The following CACNA1D variants were observed in gnomAD, a reference collection of about 807,000 sequenced individuals.
CACNA1D encodes calcium voltage-gated channel subunit alpha1 D.
Under a neutral mutation model 257.1 loss-of-function variants are expected in CACNA1D, and 55 were observed. That is an observed-to-expected ratio of 0.21 (90% CI 0.17 to 0.27). The LOEUF is 0.27. Ranked by LOEUF, CACNA1D falls within the 10% of genes least tolerant of loss-of-function variation. The pLI is 1.00. For synonymous variants in CACNA1D, 980 were observed against 1,014.9 expected, an observed-to-expected ratio of 0.97 and a Z score of 0.65; for missense variants, 1,876 against 2,784.0, an observed-to-expected ratio of 0.67 and a Z score of 7.34.
intron 20 of CACNA1D, among the ~76,000 whole-genome samples, chr3:53,737,577 C>T (rs2095071051): frequency 6.6e-6 from 1 of 152,114 alleles, no homozygotes; most frequent in Admixed American, 6.5e-5. Flanking sequence ...AATCCCAGTA[C>T]TTTGGGAGGC....
intron 30 of CACNA1D, among the ~76,000 whole-genome samples, chr3:53,764,155 T>A (rs1161814384): frequency 1.3e-5 from 2 of 152,196 alleles, no homozygotes; most frequent in East Asian, 3.8e-4. Flanking sequence ...TTCTACTTCA[T>A]GTGAAATGTT....
chr3:53,673,614 C>T lies in CACNA1D; in HGVS notation c.1220+488C>T, dbSNP rs1576310067. The T allele has an allele frequency of 2.2e-6, 2 of 894,192 alleles. No individual in the cohort carries two copies. Among genetic ancestry groups the T allele is most frequent in the South Asian group, 2.6e-5 (2 of 75,716 alleles). The allele number at this position is 894,192 out of a possible 1,614,324, so 55.4% of individuals were successfully genotyped here. ...AGGCCCAGTCCCTGTCCTAGGAGCA[C>T]TAACCTTCAGCAAAGCACTGAGAGG... On this transcript the variant is annotated intron_variant, in intron 8 of 47. Coordinates refer to ENST00000350061, the MANE Select transcript of CACNA1D (RefSeq NM_001128840.3). This position sits in a 1 kb window ranked among gnomAD's most constrained non-coding sequence, Gnocchi z 4.1.
chr3:53,779,620 G>A (rs2109058744), intron 37 of CACNA1D, among the ~76,000 whole-genome samples: 1 of 152,164 alleles, frequency 6.6e-6, no homozygotes, highest in East Asian at 1.9e-4. Context: ...TCAAAGGGCA[G>A]GAGACAATTG....
chr3:53,805,323 C>T (rs1404618325), intron 45 of CACNA1D, 177 bp downstream of exon 45: 3 of 643,120 alleles, frequency 4.7e-6, no homozygotes, highest in African/African-American at 3.6e-5. Context: ...ATCCATATCT[C>T]ACGTGATAGA....
Position 53,732,077 on chromosome 3 carries a change from T to C in CACNA1D, c.2468T>C (p.Val823Ala). ...AAGGACCCCTATCCGCCTTGCGATG[T>C]GCCAGGTATGGTGGCGGAGGCCGGA... ...EDKDPYPPCD[V>A]PVGEEEEEEE... Residue 823 changes from valine to alanine, a missense_variant, in exon 18 of 48, where the codon GTG becomes GCG. This residue lies in a region of CACNA1D where 78 missense variants were observed against 69.2 expected (regional missense o/e 1.13). Transcript: ENST00000350061. 1 of 1,611,432 alleles carries C rather than the reference T, an allele frequency of 6.2e-7. No homozygotes were observed. Among genetic ancestry groups the C allele is most frequent in the Non-Finnish European group, 8.5e-7 (1 of 1,177,466 alleles).
intron 8 of CACNA1D, among the ~76,000 whole-genome samples, chr3:53,690,302 C>T (rs1470531644): frequency 6.6e-6 from 1 of 152,164 alleles, no homozygotes; most frequent in African/African-American, 2.4e-5. Flanking sequence ...TATGCTTTGT[C>T]GTTTTTGTTT....
chr3:53,678,203 C>A (rs1456739128), intron 8 of CACNA1D, among the ~76,000 whole-genome samples: 1 of 152,216 alleles, frequency 6.6e-6, no homozygotes, highest in Non-Finnish European at 1.5e-5. Flanking sequence ...CCCTCCTGGG[C>A]TTGCTTTAAA....
Position 53,773,259 on chromosome 3 carries a change from C to T in CACNA1D, c.4110+361C>T, listed in dbSNP as rs752747064. On this transcript the variant is annotated intron_variant, in intron 33 of 47. Transcript: ENST00000350061. ...CTTTTCAGTCTGTGCCGAGCCGTCGCGGGAACAGAAGGCTGGTGCTGAGCC... is the reference window on the plus strand; with the variant it reads ...CTTTTCAGTCTGTGCCGAGCCGTCGTGGGAACAGAAGGCTGGTGCTGAGCC... 7.2e-5 allele frequency: 22 copies of T among 307,668 alleles called. No individual in the cohort carries two copies. In the East Asian group the frequency reaches 1.1e-3, roughly 16 times the overall value. 19.1% of individuals were successfully genotyped at this position (307,668 alleles called of 1,614,324 possible).
chr3:53,585,233 G>C (rs920121240), intron 3 of CACNA1D, among the ~76,000 whole-genome samples: 3 of 152,064 alleles, frequency 2.0e-5, no homozygotes, highest in Admixed American at 2.0e-4. Flanking sequence ...ATGACTTGGT[G>C]CCTGCCCAGA....
intron 3 of CACNA1D, among the ~76,000 whole-genome samples, chr3:53,525,937 C>T (rs1280742242): frequency 6.6e-6 from 1 of 152,192 alleles, no homozygotes; most frequent in Non-Finnish European, 1.5e-5. Context: ...TCTGGTTTCT[C>T]TCTCTCCAGC....
intron 33 of CACNA1D, chr3:53,773,795 A>G (rs868416152): frequency 2.0e-5 from 3 of 152,070 alleles, no homozygotes; most frequent in Non-Finnish European, 2.9e-5. Context: ...ACGTGGTGCT[A>G]TGTGCCCTGG....
intron 3 of CACNA1D, among the ~76,000 whole-genome samples, chr3:53,570,339 C>T (rs748322821): frequency 4.6e-5 from 7 of 152,226 alleles, no homozygotes; most frequent in Non-Finnish European, 1.0e-4. Context: ...TATATGTGCA[C>T]TGAGCATAAT....
In CACNA1D at chr3:53,724,013, C is replaced by T; in HGVS notation, c.2100+14C>T. 6.2e-7 allele frequency: 1 copy of T among 1,604,642 alleles called. No individual in the cohort carries two copies. The highest frequency in any genetic ancestry group is 2.2e-5 in the East Asian group (1 of 44,846). ...ACAGTGTTCCAGGTGAGTCCTCCCT[C>T]CATTCCCCGAAAAGCACTTCGTGAG... On this transcript the variant is annotated intron_variant, in intron 14 of 47. Transcript: ENST00000350061.
chr3:53,724,108 C>T (rs79701736), intron 14 of CACNA1D, 109 bp downstream of exon 14: 1 of 866,632 alleles, frequency 1.2e-6, no homozygotes, highest in Non-Finnish European at 1.9e-6. Flanking sequence ...CATTTTTGTT[C>T]ATCTCTGCCC....
At chr3:53,738,290 T>C (rs1013795481) in intron 20 of CACNA1D, among the ~76,000 whole-genome samples, 28 of 152,322 alleles carry the variant, frequency 1.8e-4, no homozygotes, top group African/African-American at 6.0e-4. Flanking sequence ...ACCTATCAGA[T>C]TTATGAAACA....
intron 32 of CACNA1D, 25 bp from the exon 33 acceptor site, chr3:53,772,808 G>A: frequency 6.2e-7 from 1 of 1,607,956 alleles, no homozygotes; most frequent in South Asian, 1.1e-5. Flanking sequence ...GGCTGGTGCT[G>A]AGCCAAGTGC....
At chr3:53,645,136 G>A (rs1281243959) in intron 3 of CACNA1D, among the ~76,000 whole-genome samples, 9 of 152,232 alleles carry the variant, frequency 5.9e-5, no homozygotes, top group African/African-American at 9.6e-5. Flanking sequence ...AGAAATGTCC[G>A]TTCAGGTCCT....
intron 2 of CACNA1D, among the ~76,000 whole-genome samples, chr3:53,498,405 G>C (rs891855501): frequency 6.6e-6 from 1 of 152,180 alleles, no homozygotes; most frequent in Non-Finnish European, 1.5e-5. Flanking sequence ...CCAACCTCCA[G>C]TTACTGCCAC....
intron 7 of CACNA1D, among the ~76,000 whole-genome samples, chr3:53,671,980 C>T (rs1006650646): frequency 6.6e-6 from 1 of 152,246 alleles, no homozygotes; most frequent in African/African-American, 2.4e-5. Context: ...ATTCTGTCCC[C>T]TGACTGGTTC....
Sources: allele counts gnomAD v4.1 joint callset (sites outside exome capture counted in the v4.1 genomes callset), GRCh38; gene constraint gnomAD v4.1.1; regional missense constraint gnomAD v4.1.1; non-coding constraint Gnocchi (gnomAD v3.1); transcripts MANE v1.5; gene names NCBI Gene and HGNC (gene_info 2026-07-23, HGNC 2026-07-21).